The following PTPRT variants were observed in gnomAD, a reference collection of about 807,000 sequenced individuals.
The protein encoded by PTPRT is receptor-type tyrosine-protein phosphatase T.
In PTPRT, 56 loss-of-function variants were observed where a neutral mutation model predicts 176.8. That is an observed-to-expected ratio of 0.32 (90% CI 0.26 to 0.40). The LOEUF (loss-of-function observed/expected upper bound fraction) is 0.40, where lower values mean the gene tolerates loss of function less well. Among genes scored for constraint, PTPRT ranks in the 10% least tolerant of loss-of-function variants. PTPRT has a pLI of 1.00. For missense variants in PTPRT, 1,540 were observed against 1,908.2 expected (o/e 0.81, Z 3.60); for synonymous variants, 783 against 739.0 (o/e 1.06, Z -0.96).
intron 9 of PTPRT, among the ~76,000 whole-genome samples, chr20:42,383,947 C>T (rs1362304420): frequency 1.3e-5 from 2 of 152,170 alleles, no homozygotes; most frequent in African/African-American, 2.4e-5. Context: ...GCTGATTTTA[C>T]GACGGATTAT....
intron 16 of PTPRT, among the ~76,000 whole-genome samples, chr20:42,188,580 T>A (rs1990870856): frequency 6.6e-6 from 1 of 152,170 alleles, no homozygotes. Flanking sequence ...GTAGAATTAT[T>A]ATCTATGTTT....
chr20:42,969,662 G>C (rs576003689), intron 1 of PTPRT: 3 of 152,010 alleles, frequency 2.0e-5, no homozygotes, highest in African/African-American at 7.2e-5. Context: ...ACATTTTTTC[G>C]TAAGTTTGGT....
chr20:42,554,542 A>G (rs942054210), intron 7 of PTPRT, among the ~76,000 whole-genome samples: 1 of 152,170 alleles, frequency 6.6e-6, no homozygotes, highest in Admixed American at 6.6e-5. Context: ...GTGGGTACTC[A>G]GGAAATATGC....
chr20:42,041,336 T>G, the PTPRT span, among the ~76,000 whole-genome samples: 1 of 152,226 alleles, frequency 6.6e-6, no homozygotes, highest in Admixed American at 6.5e-5. Flanking sequence ...GAATAGCAAT[T>G]GTTACTGTGA....
chr20:42,682,622 C>A (rs182892869), intron 6 of PTPRT, among the ~76,000 whole-genome samples: 91 of 152,314 alleles, frequency 6.0e-4, no homozygotes, highest in African/African-American at 2.1e-3. Flanking sequence ...AGGAGGAAGT[C>A]TTGCCTTCAT....
chr20:42,746,234 C>T lies in PTPRT; in HGVS notation c.859+10228G>A, dbSNP rs145455692. Among the ~76,000 whole-genome samples, 138 of 152,258 alleles carry T rather than the reference C, an allele frequency of 9.1e-4. 1 individual carries two copies. In the East Asian group the frequency reaches 0.018, roughly 20 times the overall value. On this transcript the variant is annotated intron_variant, in intron 6 of 30. Transcript: ENST00000373187. ...TTGTGCCCATATAGATTACAATATA[C>T]ATAATATCTCCCGGTTAGCCTCCCC...
intron 7 of PTPRT, among the ~76,000 whole-genome samples, chr20:42,573,745 CTTTCTTT>C (rs902331278): frequency 2.6e-5 from 3 of 115,458 alleles, no homozygotes; most frequent in Admixed American, 9.3e-5. Flanking sequence ...CCCTTTCTTT[CTTTCTTT>C]TTTTTTTTTT....
the PTPRT span, among the ~76,000 whole-genome samples, chr20:42,044,555 A>C: frequency 7.2e-5 from 11 of 152,344 alleles, no homozygotes; most frequent in East Asian, 2.1e-3. Flanking sequence ...AAGTCATGGG[A>C]GTGGTCACAA....
intron 7 of PTPRT, among the ~76,000 whole-genome samples, chr20:42,533,615 T>C (rs1160511371): frequency 6.6e-6 from 1 of 152,192 alleles, no homozygotes. Context: ...TTTGGGCAAG[T>C]AACCTCTAGG....
intron 9 of PTPRT, among the ~76,000 whole-genome samples, chr20:42,402,753 A>G (rs936513229): frequency 6.7e-6 from 1 of 149,706 alleles, no homozygotes; most frequent in Non-Finnish European, 1.5e-5. Flanking sequence ...TTGTGAAAAC[A>G]TCTGCTGCTA....
intron 27 of PTPRT, among the ~76,000 whole-genome samples, chr20:42,094,125 G>C (rs779635591): frequency 3.3e-5 from 5 of 152,180 alleles, no homozygotes; most frequent in Non-Finnish European, 5.9e-5. Flanking sequence ...TATATGTCCC[G>C]AAGTGAAGTT....
chr20:42,549,886 T>C (rs886165394), intron 7 of PTPRT, among the ~76,000 whole-genome samples: 12 of 152,238 alleles, frequency 7.9e-5, no homozygotes, highest in Non-Finnish European at 1.8e-4. Context: ...ATATCTACTT[T>C]GATTTATTTC....
chr20:42,975,682 G>C (rs1982904997), intron 1 of PTPRT, among the ~76,000 whole-genome samples: 2 of 152,148 alleles, frequency 1.3e-5, no homozygotes, highest in Admixed American at 6.5e-5. Flanking sequence ...AGCGGGGGCA[G>C]CTAAGGTTCC....
chr20:42,496,567 T>A (rs1445846389), intron 7 of PTPRT, among the ~76,000 whole-genome samples: 1 of 152,136 alleles, frequency 6.6e-6, no homozygotes, highest in Admixed American at 6.6e-5. Flanking sequence ...TTAATTCTTA[T>A]GATCTTGTGA....
chr20:42,219,593 G>A (rs1365517832), intron 15 of PTPRT, among the ~76,000 whole-genome samples: 1 of 152,214 alleles, frequency 6.6e-6, no homozygotes, highest in Non-Finnish European at 1.5e-5. Context: ...AAGACAAGAA[G>A]GAGAATAGCT....
At chr20:42,915,225 G>A (rs989360808) in intron 1 of PTPRT, among the ~76,000 whole-genome samples, 12 of 152,210 alleles carry the variant, frequency 7.9e-5, no homozygotes, top group Non-Finnish European at 1.0e-4. Context: ...TGCACAATGC[G>A]GTTCGAAATC....
chr20:43,001,408 T>G (rs559511033), intron 1 of PTPRT, among the ~76,000 whole-genome samples: 2 of 152,278 alleles, frequency 1.3e-5, no homozygotes, highest in Non-Finnish European at 2.9e-5. Context: ...TTAAAAAATT[T>G]TTTAACCTAC....
chr20:42,952,924 T>C (rs1981344108), intron 1 of PTPRT, among the ~76,000 whole-genome samples: 2 of 152,194 alleles, frequency 1.3e-5, no homozygotes, highest in South Asian at 2.1e-4. Flanking sequence ...CTTTTGTATA[T>C]ACTCTTAAAA....
At chr20:42,742,903 G>C (rs1197724199) in intron 6 of PTPRT, among the ~76,000 whole-genome samples, 1 of 152,140 alleles carries the variant, frequency 6.6e-6, no homozygotes, top group Non-Finnish European at 1.5e-5. Flanking sequence ...ATGAACCCCA[G>C]GTTTGCCTGC....
Sources: allele counts gnomAD v4.1 joint callset (sites outside exome capture counted in the v4.1 genomes callset), GRCh38; gene constraint gnomAD v4.1.1; transcripts MANE v1.5; gene names NCBI Gene and HGNC (gene_info 2026-07-23, HGNC 2026-07-21).